The following RGS6 variants were observed in gnomAD, a reference collection of about 807,000 sequenced individuals.
RGS6 encodes regulator of G protein signaling 6.
Under a neutral mutation model 78.5 loss-of-function variants are expected in RGS6, and 30 were observed. That is an observed-to-expected ratio of 0.38 (90% CI 0.29 to 0.52). The LOEUF (loss-of-function observed/expected upper bound fraction) is 0.52, where lower values mean the gene tolerates loss of function less well. Ranked by LOEUF, RGS6 falls within the 20% of genes least tolerant of loss-of-function variation. The probability of loss-of-function intolerance (pLI) is 0.85; values close to 1 mark genes in which losing one functional copy is unlikely to be tolerated. For missense variants in RGS6, 495 were observed against 609.7 expected, an observed-to-expected ratio of 0.81 and a Z score of 1.98; for synonymous variants, 206 against 206.0, an observed-to-expected ratio of 1.00 and a Z score of 0.00.
chr14:72,135,763 T>C (rs2096426440), intron 2 of RGS6, among the ~76,000 whole-genome samples: 1 of 152,132 alleles, frequency 6.6e-6, no homozygotes, highest in African/African-American at 2.4e-5. Context: ...CAGATGGTTA[T>C]ATGGTGCCAT....
At chr14:72,611,341 C>T in the RGS6 span, among the ~76,000 whole-genome samples, 3 of 152,326 alleles carry the variant, frequency 2.0e-5, no homozygotes, top group South Asian at 6.2e-4. Flanking sequence ...TAAGCCAGCA[C>T]GAAGCTAGGA....
At chr14:71,899,775 C>T in the RGS6 span, among the ~76,000 whole-genome samples, 1 of 152,206 alleles carries the variant, frequency 6.6e-6, no homozygotes, top group Non-Finnish European at 1.5e-5. Context: ...TTACCAAACT[C>T]CAGTCTTTAA....
intron 2 of RGS6, among the ~76,000 whole-genome samples, chr14:72,344,372 A>G (rs150936953): frequency 2.0e-4 from 31 of 152,322 alleles, no homozygotes; most frequent in African/African-American, 7.5e-4. Context: ...TCCCCACTCA[A>G]CTGGTACTTG....
At chr14:71,908,413 C>G in the RGS6 span, 1 of 152,306 alleles carries the variant, frequency 6.6e-6, no homozygotes, top group South Asian at 2.1e-4. Context: ...GGACCGGCTG[C>G]TTTGGAAGAA....
intron 3 of RGS6, among the ~76,000 whole-genome samples, chr14:72,381,495 C>T (rs550461488): frequency 6.6e-6 from 1 of 152,094 alleles, no homozygotes; most frequent in Admixed American, 6.6e-5. Context: ...AAACGACTGA[C>T]AGCTAACTTC....
At chr14:71,888,310 C>G in the RGS6 span, among the ~76,000 whole-genome samples, 1 of 151,814 alleles carries the variant, frequency 6.6e-6, no homozygotes, top group Admixed American at 6.6e-5. Flanking sequence ...CACCTGTAAT[C>G]CCAGCTACAA....
At chr14:72,500,817 G>T (rs1301774169) in intron 13 of RGS6, among the ~76,000 whole-genome samples, 1 of 152,180 alleles carries the variant, frequency 6.6e-6, no homozygotes, top group Non-Finnish European at 1.5e-5. Context: ...GAAGCCAGAG[G>T]CCAACAAAAA....
the RGS6 span, among the ~76,000 whole-genome samples, chr14:71,919,295 C>T: frequency 6.6e-6 from 1 of 152,170 alleles, no homozygotes; most frequent in Admixed American, 6.5e-5. Context: ...TTATTCTTTA[C>T]AACAGCCTTC....
chr14:72,296,917 T>G (rs560364749), intron 2 of RGS6, among the ~76,000 whole-genome samples: 70 of 152,334 alleles, frequency 4.6e-4, no homozygotes, highest in African/African-American at 1.6e-3. Flanking sequence ...AGTTATACAT[T>G]TATGTCTATG....
At chr14:72,065,341 G>T (rs1381013700) in intron 2 of RGS6, among the ~76,000 whole-genome samples, 1 of 152,168 alleles carries the variant, frequency 6.6e-6, no homozygotes, top group Admixed American at 6.5e-5. Flanking sequence ...TTGTGGATCT[G>T]CCAGAGGCTT....
chr14:72,441,246 G>GACCTAGCA (rs2095186660), intron 3 of RGS6, among the ~76,000 whole-genome samples: 1 of 152,114 alleles, frequency 6.6e-6, no homozygotes, highest in South Asian at 2.1e-4. Context: ...AGGCCTCAGG[G>GACCTAGCA]ACCTAGCCTC....
At chr14:71,925,821 T>C in the RGS6 span, among the ~76,000 whole-genome samples, 1 of 151,738 alleles carries the variant, frequency 6.6e-6, no homozygotes, top group Non-Finnish European at 1.5e-5. Context: ...TCTTGATTAC[T>C]ACAGCTTACA....
At chr14:72,264,399 T>C (rs1486211857) in intron 2 of RGS6, among the ~76,000 whole-genome samples, 5 of 152,244 alleles carry the variant, frequency 3.3e-5, no homozygotes, top group Non-Finnish European at 5.9e-5. Context: ...TATCTTCACT[T>C]TGAGTGGTTA....
At chr14:72,102,749 T>C (rs1490791070) in intron 2 of RGS6, among the ~76,000 whole-genome samples, 1 of 152,154 alleles carries the variant, frequency 6.6e-6, no homozygotes, top group African/African-American at 2.4e-5. Flanking sequence ...TAAAGCAAAA[T>C]ACAATTAACT....
At chr14:72,300,994 G>A (rs1457649980) in intron 2 of RGS6, among the ~76,000 whole-genome samples, 1 of 152,172 alleles carries the variant, frequency 6.6e-6, no homozygotes, top group Non-Finnish European at 1.5e-5. Context: ...GAACTTTAGA[G>A]GGGGAAAATA....
At chr14:72,297,402 A>G (rs1424422304) in intron 2 of RGS6, among the ~76,000 whole-genome samples, 1 of 150,902 alleles carries the variant, frequency 6.6e-6, no homozygotes, top group Non-Finnish European at 1.5e-5. Context: ...CTAATCCTTA[A>G]ACATGGTATA....
intron 1 of RGS6, among the ~76,000 whole-genome samples, chr14:71,933,982 G>A (rs1325798672): frequency 6.6e-6 from 1 of 152,168 alleles, no homozygotes; most frequent in Non-Finnish European, 1.5e-5. Context: ...TTAGTTAAAT[G>A]TGTTGACAAC....
intron 2 of RGS6, among the ~76,000 whole-genome samples, chr14:72,209,657 A>G (rs1334671020): frequency 1.3e-5 from 2 of 152,160 alleles, no homozygotes; most frequent in Admixed American, 6.5e-5. Context: ...TTGGGACTAG[A>G]TGGCCAGGAG....
intron 2 of RGS6, among the ~76,000 whole-genome samples, chr14:72,178,093 C>T (rs935014891): frequency 6.6e-6 from 1 of 152,220 alleles, no homozygotes; most frequent in Admixed American, 6.5e-5. Flanking sequence ...TGTTGTTTCT[C>T]ACTCACTGAA....
Sources: allele counts gnomAD v4.1 joint callset (sites outside exome capture counted in the v4.1 genomes callset), GRCh38; gene constraint gnomAD v4.1.1; transcripts MANE v1.5; gene names NCBI Gene and HGNC (gene_info 2026-07-23, HGNC 2026-07-21).